The following LPCAT2 variants were observed in gnomAD, a reference collection of about 807,000 sequenced individuals.
The protein encoded by LPCAT2 is lysophosphatidylcholine acyltransferase 2.
LPCAT2 carries 58 observed loss-of-function variants against 64.7 expected under a neutral mutation model. That is an observed-to-expected ratio of 0.90 (90% CI 0.73 to 1.12). The LOEUF is 1.12. Among genes scored for constraint, LPCAT2 ranks in the 50% most tolerant of loss-of-function variants. The probability of loss-of-function intolerance (pLI) is 0.00; values close to 1 mark genes in which losing one functional copy is unlikely to be tolerated. For missense variants in LPCAT2, 579 were observed against 669.8 expected, an observed-to-expected ratio of 0.86 and a Z score of 1.50; for synonymous variants, 252 against 245.3, an observed-to-expected ratio of 1.03 and a Z score of -0.26.
intron 9 of LPCAT2, 103 bp from the exon 10 acceptor site, chr16:55,549,174 C>A: frequency 3.3e-6 from 3 of 902,202 alleles, no homozygotes; most frequent in Non-Finnish European, 4.9e-6. Context: ...GTAGTAAATA[C>A]TTTTTCATTT....
intron 11 of LPCAT2, among the ~76,000 whole-genome samples, chr16:55,565,701 G>GGGGAGAAT (rs1963687750): frequency 6.6e-6 from 1 of 152,062 alleles, no homozygotes; most frequent in Non-Finnish European, 1.5e-5. Flanking sequence ...GGTGGGGGAA[G>GGGGAGAAT]GGGAGAATGG....
rs1273508962 is a variant in LPCAT2 at position 55,525,500 on chromosome 16, A to T, written c.172-8A>T. ...CATTCATTTATTTTTACCAACTTTG[A>T]CTTTCAGATTGTCCTTCTTGGGATT... is the stretch of plus-strand genomic sequence containing the variant. On this transcript the variant is annotated splice_polypyrimidine_tract_variant and splice_region_variant and intron_variant, in intron 1 of 13. Transcript: ENST00000262134. The T allele has an allele frequency of 6.3e-7, 1 of 1,598,576 alleles. No individual in the cohort carries two copies. The highest frequency in any genetic ancestry group is 1.4e-5 in the African/African-American group (1 of 73,998).
chr16:55,530,002 A>G, intron 4 of LPCAT2, 55 bp downstream of exon 4: 1 of 1,286,966 alleles, frequency 7.8e-7, no homozygotes. Flanking sequence ...AATTGTATGT[A>G]TGTAGACTTA....
intron 8 of LPCAT2, chr16:55,538,809 T>TC (rs1963358421): frequency 6.6e-6 from 1 of 152,022 alleles, no homozygotes; most frequent in African/African-American, 2.4e-5. Context: ...ATTTTTTTTT[T>TC]CTCAAGACTA....
chr16:55,579,035 G>T, intron 12 of LPCAT2, 74 bp from the exon 13 acceptor site: 2 of 1,398,488 alleles, frequency 1.4e-6, no homozygotes, highest in Non-Finnish European at 2.0e-6. Flanking sequence ...AATTATTAAA[G>T]ACTTTATTTT....
Position 55,583,073 on chromosome 16 carries a change from G to T in LPCAT2, c.1610G>T (p.Ser537Ile). The T allele has an allele frequency of 6.2e-7, 1 of 1,612,896 alleles. No homozygotes were observed. Among genetic ancestry groups the T allele is most frequent in the Non-Finnish European group, 8.5e-7 (1 of 1,179,394 alleles). The part of the protein sequence containing the change: ...NKVSPEKHEE[S>I]TSDKKDD ...GTCAGCCCTGAAAAGCATGAAGAGA[G>T]TACCTCAGACAAAAAAGATGACTGA... The change falls in exon 14 of 14, where the codon AGT becomes ATT. Residue 537 changes from serine (S) to isoleucine (I), a missense_variant. Coordinates refer to ENST00000262134, the MANE Select transcript of LPCAT2 (RefSeq NM_017839.5).
chr16:55,571,994 A>G (rs1963775416), intron 11 of LPCAT2, among the ~76,000 whole-genome samples: 1 of 152,122 alleles, frequency 6.6e-6, no homozygotes, highest in South Asian at 2.1e-4. Context: ...CAGTATATTG[A>G]TTTACTAATC....
chr16:55,567,023 TG>T, intron 11 of LPCAT2: 8 of 1,613,912 alleles, frequency 5.0e-6, no homozygotes, highest in Non-Finnish European at 6.8e-6. Flanking sequence ...CACAGCTGGC[TG>T]GACCAGACAT....
intron 8 of LPCAT2, 90 bp downstream of exon 8, chr16:55,537,722 TC>T: frequency 9.7e-7 from 1 of 1,025,724 alleles, no homozygotes; most frequent in Non-Finnish European, 1.5e-6. Context: ...GATATAAAGG[TC>T]CATCACCAGG....
intron 7 of LPCAT2, among the ~76,000 whole-genome samples, 175 bp from the exon 8 acceptor site, chr16:55,537,403 A>G (rs1178605328): frequency 2.6e-5 from 4 of 152,058 alleles, no homozygotes; most frequent in Non-Finnish European, 4.4e-5. Context: ...AAAAAAAAAA[A>G]AAGAATAGTT....
chr16:55,543,128 AG>A (rs1220568839), intron 8 of LPCAT2, among the ~76,000 whole-genome samples: 1 of 152,132 alleles, frequency 6.6e-6, no homozygotes, highest in Non-Finnish European at 1.5e-5. Flanking sequence ...ATTCTAGGAG[AG>A]GTGACTTTTT....
chr16:55,549,237 T>TTA lies in LPCAT2; in HGVS notation c.936-40_936-39insTA, dbSNP rs199630817. 749 of 1,332,100 alleles carry TTA rather than the reference T, an allele frequency of 5.6e-4. 2 individuals are homozygous for TTA. The highest frequency in any genetic ancestry group is 4.9e-3 in the African/African-American group (318 of 64,432). The allele number at this position is 1,332,100 out of a possible 1,614,324, so 82.5% of individuals were successfully genotyped here. A position where few individuals can be genotyped will look rare whatever the true frequency, so the allele number is the denominator to read the frequency against. ...AGTGAAATATGATTACTTTTTTTTT[T>TTA]AAAAAAAATGAATTTTAGTTTGCTT... is the stretch of plus-strand genomic sequence containing the variant. On this transcript the variant is annotated intron_variant, in intron 9 of 13. Transcript: ENST00000262134.
chr16:55,566,770 AG>A, intron 11 of LPCAT2: 1 of 1,606,044 alleles, frequency 6.2e-7, no homozygotes, highest in Non-Finnish European at 8.5e-7. Flanking sequence ...TTTCTTGCAA[AG>A]GCTCTATTGG....
At chr16:55,533,794 T>C (rs897992361) in intron 6 of LPCAT2, among the ~76,000 whole-genome samples, 10 of 152,144 alleles carry the variant, frequency 6.6e-5, no homozygotes, top group Non-Finnish European at 1.2e-4. Context: ...CCTCTAAATA[T>C]TGATTTTACC....
intron 5 of LPCAT2, 172 bp from the exon 6 acceptor site, chr16:55,532,652 A>AG (rs1963269270): frequency 2.5e-6 from 1 of 400,702 alleles, no homozygotes; most frequent in African/African-American, 2.1e-5. Flanking sequence ...AATTAAAAAA[A>AG]AAAAATCCCT....
chr16:55,531,315 T>A (rs1163456347), intron 4 of LPCAT2, among the ~76,000 whole-genome samples: 1 of 152,118 alleles, frequency 6.6e-6, no homozygotes, highest in Non-Finnish European at 1.5e-5. Context: ...TTTTACTTAA[T>A]GGGGAAACTA....
chr16:55,511,287 T>C (rs1459201289), intron 1 of LPCAT2, among the ~76,000 whole-genome samples: 2 of 152,206 alleles, frequency 1.3e-5, no homozygotes, highest in Non-Finnish European at 2.9e-5. Flanking sequence ...ATATTAAAAA[T>C]ACTTTTTAAA....
intron 8 of LPCAT2, among the ~76,000 whole-genome samples, chr16:55,544,658 T>C (rs1288222987): frequency 6.6e-6 from 1 of 152,222 alleles, no homozygotes; most frequent in African/African-American, 2.4e-5. Flanking sequence ...AGTTCTTCTA[T>C]AGAGCACCCT....
At chr16:55,556,573 C>T (rs540816943) in intron 11 of LPCAT2, among the ~76,000 whole-genome samples, 59 of 151,988 alleles carry the variant, frequency 3.9e-4, no homozygotes, top group Admixed American at 6.5e-4. Flanking sequence ...GTCAGGAGAT[C>T]GAGACCATCC....
Sources: gnomAD v4.1 joint callset for allele counts (sites outside exome capture counted in the v4.1 genomes callset) on GRCh38, gnomAD v4.1.1 for gene constraint, MANE v1.5 for transcripts, NCBI Gene and HGNC (gene_info 2026-07-23, HGNC 2026-07-21) for gene names.